Variants in FGFR1 observed in about 807,000 individuals in gnomAD.
The protein encoded by FGFR1 is FGFR1/PLAG1 fusion.
In FGFR1, 18 loss-of-function variants were observed where a neutral mutation model predicts 93.7. The ratio of observed to expected loss-of-function variants is 0.19; its 90% CI spans 0.13 to 0.28. The LOEUF is 0.28. Among genes scored for constraint, FGFR1 ranks in the 10% least tolerant of loss-of-function variants. FGFR1 has a pLI of 1.00. For synonymous variants in FGFR1, 448 were observed against 429.3 expected (o/e 1.04, Z -0.54); for missense variants, 731 against 1,080.4 (o/e 0.68, Z 4.53).
rs1437895287 is a variant in FGFR1, at chr8:38,423,012, A to G, written c.937-1071T>C. 4 of 779,412 alleles carry G rather than the reference A, an allele frequency of 5.1e-6. No homozygotes were observed. The African/African-American group carries it at 6.8e-5, about 13-fold the overall frequency. The allele number at this position is 779,412 out of a possible 1,614,324, so 48.3% of individuals were successfully genotyped here. A position where few individuals can be genotyped will look rare whatever the true frequency, so the allele number is the denominator to read the frequency against. On this transcript the variant is annotated intron_variant, in intron 7 of 17. Coordinates refer to ENST00000447712, the MANE Select transcript of FGFR1 (RefSeq NM_023110.3). ...AAATCCCCAGCACAGGGTCCCATCC[A>G]TCTCCCCATTACCTTTTGCCACAGG...
chr8:38,438,707 A>C (rs1826281525), intron 2 of FGFR1, among the ~76,000 whole-genome samples: 1 of 152,156 alleles, frequency 6.6e-6, no homozygotes, highest in Admixed American at 6.5e-5. Context: ...ATACATCCAG[A>C]GTCCAGCTTT....
intron 2 of FGFR1, among the ~76,000 whole-genome samples, chr8:38,434,073 T>C (rs753078808): frequency 5.9e-5 from 9 of 152,256 alleles, no homozygotes; most frequent in Admixed American, 1.3e-4. Context: ...ACTTCCTCCA[T>C]GTTATAGCAT....
chr8:38,418,444 G>T, intron 9 of FGFR1, 71 bp from the exon 10 acceptor site: 1 of 1,535,916 alleles, frequency 6.5e-7, no homozygotes. Flanking sequence ...TTCTTAGTCA[G>T]GGCTTCCCAA....
At chr8:38,454,958 A>G (rs1041839334) in intron 2 of FGFR1, among the ~76,000 whole-genome samples, 1 of 137,946 alleles carries the variant, frequency 7.2e-6, no homozygotes, top group Admixed American at 7.4e-5. Context: ...ATTTAAGTCT[A>G]GTTTTCTTTT....
At chr8:38,459,401 A>G (rs1833813876) in intron 1 of FGFR1, among the ~76,000 whole-genome samples, 1 of 152,230 alleles carries the variant, frequency 6.6e-6, no homozygotes, top group African/African-American at 2.4e-5. Flanking sequence ...TACACATGCC[A>G]CACCACTAGC....
At chr8:38,457,210 T>C (rs1229735850) in intron 2 of FGFR1, 146 bp downstream of exon 2, 1 of 874,720 alleles carries the variant, frequency 1.1e-6, no homozygotes, top group Non-Finnish European at 1.8e-6. Context: ...ATCTTGAGAG[T>C]TTCTCCTACA....
intron 2 of FGFR1, among the ~76,000 whole-genome samples, chr8:38,455,526 T>C (rs1233284841): frequency 6.6e-6 from 1 of 151,900 alleles, no homozygotes; most frequent in East Asian, 1.9e-4. Context: ...CTCCTGACCT[T>C]GTGATCCACC....
At chr8:38,463,451 A>G (rs574631604) in intron 1 of FGFR1, 3 of 207,372 alleles carry the variant, frequency 1.4e-5, no homozygotes, top group Admixed American at 1.2e-4. Flanking sequence ...ATATTATATG[A>G]TTGTTATTTA....
intron 8 of FGFR1, chr8:38,421,558 G>A (rs967217642): frequency 5.1e-6 from 3 of 587,356 alleles, no homozygotes; most frequent in East Asian, 2.9e-5. Flanking sequence ...CAATGGCCAG[G>A]GGGAGAGCAG....
intron 1 of FGFR1, among the ~76,000 whole-genome samples, chr8:38,457,959 G>T (rs992428193): frequency 4.1e-4 from 62 of 152,170 alleles, no homozygotes; most frequent in African/African-American, 1.4e-3. Flanking sequence ...CTCCAACCTG[G>T]GTGACAGAGC....
intron 13 of FGFR1, among the ~76,000 whole-genome samples, chr8:38,415,270 T>C (rs1816015211): frequency 6.6e-6 from 1 of 152,154 alleles, no homozygotes; most frequent in Non-Finnish European, 1.5e-5. Flanking sequence ...TTTATCTTCA[T>C]AACAATTCTA....
Position 38,414,192 on chromosome 8 carries a change from C to T in FGFR1, c.2146G>A (p.Gly716Ser), listed in dbSNP as rs2150532235. ...TTACTGGGCTTGTCCATGCGGTGAC[C>T]CTCCTTCAGCAGCTTGAAAAGTTCC... The part of the protein sequence containing the change: ...VEELFKLLKE[G>S]HRMDKPSNCT... The change falls in exon 16 of 18, where the codon GGT becomes AGT. Residue 716 changes from glycine (G) to serine (S), a missense_variant. Coordinates refer to ENST00000447712, the MANE Select transcript of FGFR1 (RefSeq NM_023110.3). 6.2e-7 allele frequency: 1 copy of T among 1,614,194 alleles called. No individual in the cohort carries two copies. Among genetic ancestry groups the T allele is most frequent in the Non-Finnish European group, 8.5e-7 (1 of 1,180,030 alleles).
intron 1 of FGFR1, 185 bp downstream of exon 1, chr8:38,467,796 G>A (rs61214671): frequency 1.3e-5 from 3 of 232,924 alleles, no homozygotes; most frequent in African/African-American, 4.4e-5. Flanking sequence ...GAAGGGAGGG[G>A]AGACCCAAGG....
At chr8:38,456,851 G>A (rs978982608) in intron 2 of FGFR1, among the ~76,000 whole-genome samples, 1 of 152,016 alleles carries the variant, frequency 6.6e-6, no homozygotes, top group Non-Finnish European at 1.5e-5. Flanking sequence ...GGTTACATGT[G>A]TGACCCACTA....
In FGFR1 at chr8:38,421,932, C is replaced by T. The variant is rs1818954628; in HGVS notation, c.946G>A (p.Val316Ile). The change falls in exon 8 of 18, where the codon GTT becomes ATT. Residue 316 changes from valine (V) to isoleucine (I), a missense_variant. By Grantham distance (29) the Val-to-Ile change is conservative (BLOSUM62 3). This residue lies in a region of FGFR1 where 109 missense variants were observed against 249.4 expected (regional missense o/e 0.44). Transcript: ENST00000447712. ...PYVQILKTAG[V>I]NTTDKEMEVL... ...TCCATCTCTTTGTCGGTGGTATTAA[C>T]TCCAGCAGTCTAGAAGAGACAACGG... 6.2e-7 allele frequency: 1 copy of T among 1,614,062 alleles called. No homozygotes were observed. Among genetic ancestry groups the T allele is most frequent in the African/African-American group, 1.3e-5 (1 of 74,916 alleles).
rs529143537 is a variant in FGFR1, at chr8:38,419,000, T to C, written c.1284+533A>G. ...TAAATCTCACGAGATCTGATGATTT[T>C]ATAAAGGGGAGTTTCCCTGTACAAG... On this transcript the variant is annotated intron_variant, in intron 9 of 17. Transcript: ENST00000447712. 1.2e-4 allele frequency among the ~76,000 whole-genome samples: 18 copies of C among 152,324 alleles called. 1 individual carries two copies. The South Asian group carries it at 3.5e-3, about 30-fold the overall frequency.
chr8:38,442,862 T>C (rs1343507504), intron 2 of FGFR1, among the ~76,000 whole-genome samples: 1 of 152,236 alleles, frequency 6.6e-6, no homozygotes, highest in African/African-American at 2.4e-5. Context: ...ACAGTTCACC[T>C]GGACTCTCAG....
intron 2 of FGFR1, among the ~76,000 whole-genome samples, chr8:38,456,083 C>A (rs1832739834): frequency 1.3e-5 from 2 of 152,318 alleles, no homozygotes; most frequent in South Asian, 4.1e-4. Flanking sequence ...CAACTCCATC[C>A]AGAGGACACA....
At chr8:38,414,991 G>A in intron 13 of FGFR1, 90 bp from the exon 14 acceptor site, 1 of 1,048,590 alleles carries the variant, frequency 9.5e-7, no homozygotes. Flanking sequence ...TAGCCGACTT[G>A]TCTCATAGAA....
Sources: gnomAD v4.1 joint callset for allele counts (sites outside exome capture counted in the v4.1 genomes callset) on GRCh38, gnomAD v4.1.1 for gene constraint, gnomAD v4.1.1 regional missense constraint, MANE v1.5 for transcripts, NCBI Gene and HGNC (gene_info 2026-07-23, HGNC 2026-07-21) for gene names.